NEIL1: variants seen among roughly 807,000 people sequenced by gnomAD.
NEIL1 encodes the protein nei like DNA glycosylase 1, also known as endonuclease 8-like 1.
Under a neutral mutation model 44.2 loss-of-function variants are expected in NEIL1, and 31 were observed. The observed-to-expected ratio is 0.70, with a 90% CI of 0.53 to 0.95. The LOEUF is 0.95. NEIL1 is among the 40% of genes least tolerant of loss of function. The pLI is 0.00. For missense variants in NEIL1, 549 were observed against 515.5 expected, an observed-to-expected ratio of 1.07 and a Z score of -0.63; for synonymous variants, 254 against 209.7, an observed-to-expected ratio of 1.21 and a Z score of -1.83.
chr15:75,348,467 C>A (rs1207023762), intron 1 of NEIL1: 2 of 1,029,620 alleles, frequency 1.9e-6, no homozygotes, highest in Non-Finnish European at 2.3e-6. Flanking sequence ...GGAGGGGGTG[C>A]TCCCTCAGAT....
rs755335080 is a variant in NEIL1, at chr15:75,348,851, C to G, written c.-22-33C>G. The G allele has an allele frequency of 7.6e-6, 12 of 1,585,980 alleles. No individual in the cohort carries two copies. In the East Asian group the frequency reaches 2.7e-4, roughly 36 times the overall value. On this transcript the variant is annotated intron_variant, in intron 1 of 9. Transcript: ENST00000355059. ...CAGCCGCTACCTCACAAAGTCCACACCGGGCTCAACCCGCTGCCTTCCTCC... is the reference window on the plus strand; with the variant it reads ...CAGCCGCTACCTCACAAAGTCCACAGCGGGCTCAACCCGCTGCCTTCCTCC...
chr15:75,356,449 C>T lies in NEIL1; in HGVS notation c.*1415C>T. The T allele has an allele frequency of 6.3e-7, 1 of 1,595,934 alleles. No homozygotes were observed. Among genetic ancestry groups the T allele is most frequent in the East Asian group, 2.2e-5 (1 of 44,544 alleles). ...GATAACGCCAGCATCCTGGAAAGAG[C>T]CTGGGGTACGACCAGGAAACAATGC... On this transcript the variant is annotated 3_prime_UTR_variant, in exon 10 of 10. Transcript: ENST00000355059. The surrounding 1 kb of genome is among the most constrained non-coding windows in gnomAD (Gnocchi z 5.8).
Position 75,355,321 on chromosome 15 carries a change from A to G in NEIL1, c.*287A>G, listed in dbSNP as rs1325461854. On this transcript the variant is annotated 3_prime_UTR_variant, in exon 10 of 10. Coordinates refer to ENST00000355059, the MANE Select transcript of NEIL1 (RefSeq NM_024608.4). The stretch of plus-strand genomic sequence containing the variant: ...GTCCGGTCCTGGTGACAGAAGGCCC[A>G]GCTCCTCACAAGGCAAACTGAGCCC... 2 of 393,136 alleles carry G rather than the reference A, an allele frequency of 5.1e-6. No individual in the cohort carries two copies. The highest frequency in any genetic ancestry group is 9.3e-6 in the Non-Finnish European group (2 of 214,778). 24.4% of individuals were successfully genotyped at this position (393,136 alleles called of 1,614,324 possible).
intron 1 of NEIL1, chr15:75,348,638 A>G: frequency 1.5e-6 from 2 of 1,376,642 alleles, no homozygotes; most frequent in East Asian, 2.7e-5. Flanking sequence ...AAGCCCATGG[A>G]AGGAAGCGGT....
intron 2 of NEIL1, chr15:75,351,357 C>CTTTTTT: frequency 2.4e-6 from 1 of 423,856 alleles, no homozygotes. Flanking sequence ...CTCATTGCAG[C>CTTTTTT]CTTAACCTCC....
In NEIL1 at chr15:75,356,815, C is replaced by T; in HGVS notation, c.*1781C>T. 6.2e-7 allele frequency: 1 copy of T among 1,614,100 alleles called. No homozygotes were observed. Among genetic ancestry groups the T allele is most frequent in the Non-Finnish European group, 8.5e-7 (1 of 1,180,042 alleles). On this transcript the variant is annotated 3_prime_UTR_variant, in exon 10 of 10. Coordinates refer to ENST00000355059, the MANE Select transcript of NEIL1 (RefSeq NM_024608.4). This position sits in a 1 kb window ranked among gnomAD's most constrained non-coding sequence, Gnocchi z 5.8. ...TACAGCGAGAGGCTGAGGATGCTGC[C>T]TCGCACTGACGCGCCATACTTGCAG...
At chr15:75,347,913 C>G (rs1327087382) in intron 1 of NEIL1, 1 of 1,243,736 alleles carries the variant, frequency 8.0e-7, no homozygotes. Flanking sequence ...GTGGAGGGGG[C>G]AAGGTACGGG....
Position 75,352,694 on chromosome 15 carries a change from C to A in NEIL1, c.711C>A (p.Val237=), listed in dbSNP as rs535812948. ...GTCACTCAGTGCCCAAGGAAGTGGT[C>A]CAGTTGGGTGAGGCCAAAGATGGCA... ...ELCHSVPKEV[V]QLGGKGYGSE... is the part of the protein sequence containing the mutation. Residue 237 remains valine, a synonymous_variant, in exon 5 of 10, where the codon GTC becomes GTA. Transcript: ENST00000355059. 3 of 1,610,440 alleles carry A rather than the reference C, an allele frequency of 1.9e-6. No individual in the cohort carries two copies. Among genetic ancestry groups the A allele is most frequent in the Non-Finnish European group, 2.5e-6 (3 of 1,178,226 alleles).
chr15:75,351,364 C>T (rs753552533), intron 2 of NEIL1: 1 of 418,918 alleles, frequency 2.4e-6, no homozygotes, highest in South Asian at 1.7e-5. Context: ...CAGCCTTAAC[C>T]TCCAGGGCTC....
chr15:75,354,977 C>T lies in NEIL1; in HGVS notation c.1116C>T (p.Pro372=), dbSNP rs770446028. Residue 372 remains proline, a synonymous_variant, in exon 10 of 10, where the codon CCC becomes CCT. Transcript: ENST00000355059. The part of the protein sequence containing the change: ...GRQAASGHCR[P]RKVKADIPSL... ...TTCTTCCCCCAGGCCACTGCAGACC[C>T]CGGAAGGTCAAGGCTGACATCCCAT... 6.2e-7 allele frequency: 1 copy of T among 1,614,088 alleles called. No individual in the cohort carries two copies. Among genetic ancestry groups the T allele is most frequent in the South Asian group, 1.1e-5 (1 of 91,068 alleles).
Position 75,352,213 on chromosome 15 carries a change from G to A in NEIL1, c.537G>A (p.Arg179=). 1 of 1,614,256 alleles carries A rather than the reference G, an allele frequency of 6.2e-7. No individual in the cohort carries two copies. Among genetic ancestry groups the A allele is most frequent in the Non-Finnish European group, 8.5e-7 (1 of 1,180,042 alleles). The part of the protein sequence containing the change: ...RFFNGIGNYL[R]AEILYRLKIP... Reference sequence around the variant, plus strand: ...TCAATGGCATTGGCAACTATCTGCGGGCAGAGATCCTGTACCGGTCAGCAA... The same window carrying A: ...TCAATGGCATTGGCAACTATCTGCGAGCAGAGATCCTGTACCGGTCAGCAA... Residue 179 remains arginine (R), a synonymous_variant, in exon 3 of 10, where the codon CGG becomes CGA. Transcript: ENST00000355059.
chr15:75,353,633 G>A (rs376611717), intron 5 of NEIL1, 106 bp from the exon 6 acceptor site: 7 of 1,207,206 alleles, frequency 5.8e-6, no homozygotes, highest in Non-Finnish European at 8.6e-6. Flanking sequence ...CCCTGACTCA[G>A]TCCATCAGCT....
chr15:75,348,312 G>A lies in NEIL1; in HGVS notation c.-22-572G>A, dbSNP rs961114476. 453 of 985,850 alleles carry A rather than the reference G, an allele frequency of 4.6e-4. 1 individual carries two copies. The highest frequency in any genetic ancestry group is 5.1e-4 in the Non-Finnish European group (424 of 830,222). 61.1% of individuals were successfully genotyped at this position (985,850 alleles called of 1,614,324 possible). On this transcript the variant is annotated intron_variant, in intron 1 of 9. Transcript: ENST00000355059. ...TCCCGCCGCTCCCCCGCGCCAGGCC[G>A]AGCTTCGCTCTTTCCCTCGGTGGTG...
In NEIL1 at chr15:75,354,406, CAACTCCAACACCA is replaced by C. The variant is rs2072186439; in HGVS notation, c.875-24_875-12del. On this transcript the variant is annotated splice_polypyrimidine_tract_variant and intron_variant, in intron 7 of 9. Transcript: ENST00000355059. Reference sequence around the variant, plus strand: ...CACCCCTGGGCAGGATAGGACCCTCCAACTCCAACACCAGTGTCCTGCAGGGCGCAAGTCCCGC... The same window carrying C: ...CACCCCTGGGCAGGATAGGACCCTCCGTGTCCTGCAGGGCGCAAGTCCCGC... The C allele has an allele frequency of 6.2e-7, 1 of 1,613,986 alleles. No individual in the cohort carries two copies. The highest frequency in any genetic ancestry group is 1.1e-5 in the South Asian group (1 of 91,092).
Position 75,356,043 on chromosome 15 carries a change from G to A in NEIL1, c.*1009G>A. ...TCCAAGAGATCGCAGCTGGAGAACA[G>A]GAGGGGCCATGAAGGCTCTGCGAGG... On this transcript the variant is annotated 3_prime_UTR_variant, in exon 10 of 10. Transcript: ENST00000355059. The surrounding 1 kb of genome is among the most constrained non-coding windows in gnomAD (Gnocchi z 5.8). 3.1e-6 allele frequency: 5 copies of A among 1,613,962 alleles called. No homozygotes were observed. The highest frequency in any genetic ancestry group is 4.2e-6 in the Non-Finnish European group (5 of 1,179,908).
intron 5 of NEIL1, chr15:75,353,259 A>G (rs905579213): frequency 3.0e-5 from 7 of 234,650 alleles, no homozygotes; most frequent in Non-Finnish European, 5.2e-5. Context: ...ACGCACGTTT[A>G]TATATATTTT....
At chr15:75,352,550 G>A (rs368501735) in intron 4 of NEIL1, 52 bp from the exon 5 acceptor site, 12 of 1,575,142 alleles carry the variant, frequency 7.6e-6, no homozygotes, top group Non-Finnish European at 9.6e-6. Flanking sequence ...AAGGTCAGCT[G>A]CCTTTACATG....
chr15:75,354,271 C>A lies in NEIL1; in HGVS notation c.868C>A (p.Pro290Thr). ...WFQGDPGPLA[P>T]KGRKSRKKKS... is the part of the protein sequence containing the mutation. ...TTAGGGGGATCCTGGACCGTTGGCA[C>A]CCAAAGGTAAGCTACTCCTAATGTA... The change falls in exon 7 of 10, where the codon CCC (proline) becomes ACC (threonine). Residue 290 changes from proline (P) to threonine (T), a missense_variant. Pro to Thr is a conservative substitution (Grantham distance 38, BLOSUM62 -1). Transcript: ENST00000355059. The A allele has an allele frequency of 6.2e-7, 1 of 1,614,110 alleles. No individual in the cohort carries two copies. The highest frequency in any genetic ancestry group is 8.5e-7 in the Non-Finnish European group (1 of 1,179,978).
chr15:75,348,437 G>C (rs1456201347), intron 1 of NEIL1: 1 of 1,015,134 alleles, frequency 9.9e-7, no homozygotes, highest in East Asian at 9.1e-5. Flanking sequence ...GGAGAGCCTG[G>C]AGAAAGAGAC....
Sources: gnomAD v4.1 joint callset for allele counts on GRCh38, gnomAD v4.1.1 for gene constraint, Gnocchi (gnomAD v3.1) non-coding constraint, MANE v1.5 for transcripts, NCBI Gene and HGNC (gene_info 2026-07-23, HGNC 2026-07-21) for gene names.